PTPRD: variants seen among roughly 807,000 people sequenced by gnomAD.
PTPRD encodes protein tyrosine phosphatase receptor type D.
PTPRD carries 34 observed loss-of-function variants against 214.5 expected under a neutral mutation model. The ratio of observed to expected loss-of-function variants is 0.16; its 90% CI spans 0.12 to 0.21. The LOEUF (loss-of-function observed/expected upper bound fraction) is 0.21. Ranked by LOEUF, PTPRD falls within the 10% of genes least tolerant of loss-of-function variation. PTPRD has a pLI of 1.00. For missense variants in PTPRD, 2,545 were observed against 2,398.7 expected (o/e 1.06, Z -1.27); for synonymous variants, 1,128 against 845.7 (o/e 1.33, Z -5.79).
chr9:9,116,006 G>A (rs1021542599), intron 10 of PTPRD, among the ~76,000 whole-genome samples: 11 of 152,056 alleles, frequency 7.2e-5, no homozygotes, highest in Non-Finnish European at 1.0e-4. Flanking sequence ...ACTTATAAGT[G>A]AGCTAAACAT....
chr9:9,928,160 T>A lies in PTPRD; in HGVS notation c.-368+10347A>T, dbSNP rs146370022. Among the ~76,000 whole-genome samples the A allele has an allele frequency of 2.6e-5, 4 of 152,294 alleles. No individual in the cohort carries two copies. In the East Asian group the frequency reaches 5.8e-4, roughly 22 times the overall value. On this transcript the variant is annotated intron_variant, in intron 5 of 45. Coordinates refer to ENST00000381196, the MANE Select transcript of PTPRD (RefSeq NM_002839.4). Reference sequence around the variant, plus strand: ...TCAACTTTACTACAGTTGTTGGCAATATTAAATAACTTTTGTTGCTGCATG... The same window carrying A: ...TCAACTTTACTACAGTTGTTGGCAAAATTAAATAACTTTTGTTGCTGCATG...
chr9:10,254,819 C>A (rs909672864), intron 3 of PTPRD, among the ~76,000 whole-genome samples: 18 of 152,134 alleles, frequency 1.2e-4, no homozygotes, highest in African/African-American at 4.3e-4. Flanking sequence ...TCTGTATTTA[C>A]TCTGGCGGGT....
Position 9,200,638 on chromosome 9 carries a change from C to T in PTPRD, c.-202-17275G>A, listed in dbSNP as rs554284766. ...GCAGATTTCATTGATTTTTTCATTA[C>T]GCCACTCAGCAAAACAATTGTAAAT... On this transcript the variant is annotated intron_variant, in intron 9 of 45. Transcript: ENST00000381196. Among the ~76,000 whole-genome samples, 12 of 152,298 alleles carry T rather than the reference C, an allele frequency of 7.9e-5. No homozygotes were observed. In the East Asian group the frequency reaches 1.2e-3, roughly 15 times the overall value.
intron 2 of PTPRD, among the ~76,000 whole-genome samples, chr9:10,554,747 G>A (rs184732511): frequency 6.1e-4 from 92 of 151,850 alleles, no homozygotes; most frequent in Non-Finnish European, 1.1e-3. Flanking sequence ...TGCAAGCTCC[G>A]CCTCCCGGCT....
At chr9:8,462,519 C>T (rs898375623) in intron 32 of PTPRD, among the ~76,000 whole-genome samples, 2 of 152,012 alleles carry the variant, frequency 1.3e-5, no homozygotes, top group African/African-American at 4.8e-5. Context: ...TCAAGGGCAT[C>T]CACAATTTTA....
chr9:9,490,903 T>C (rs887386194), intron 8 of PTPRD, among the ~76,000 whole-genome samples: 5 of 151,780 alleles, frequency 3.3e-5, no homozygotes, highest in Admixed American at 6.6e-5. Flanking sequence ...AATGAACGAA[T>C]TGTTTGTTGA....
At chr9:8,938,223 T>C (rs1435923447) in intron 11 of PTPRD, among the ~76,000 whole-genome samples, 1 of 151,526 alleles carries the variant, frequency 6.6e-6, no homozygotes, top group East Asian at 1.9e-4. Flanking sequence ...TCTATAGGAG[T>C]TGGCAATTGA....
chr9:8,411,519 G>C (rs987712264), intron 35 of PTPRD, among the ~76,000 whole-genome samples: 7 of 152,146 alleles, frequency 4.6e-5, no homozygotes, highest in Non-Finnish European at 8.8e-5. Context: ...GGCCAGGCTA[G>C]TCTCGAACTC....
At chr9:9,759,825 G>A (rs774965581) in intron 6 of PTPRD, among the ~76,000 whole-genome samples, 9 of 152,070 alleles carry the variant, frequency 5.9e-5, no homozygotes, top group Non-Finnish European at 8.8e-5. Flanking sequence ...CCAAAGTGCT[G>A]AGATTACAGG....
intron 10 of PTPRD, among the ~76,000 whole-genome samples, chr9:9,019,317 A>G (rs184675553): frequency 0.088 from 10,325 of 116,850 alleles, 482 homozygotes; most frequent in African/African-American, 0.15. Flanking sequence ...AGAAAGAAAG[A>G]AAGAAAGAAA....
At chr9:10,217,536 T>A (rs2099547019) in intron 3 of PTPRD, among the ~76,000 whole-genome samples, 1 of 152,040 alleles carries the variant, frequency 6.6e-6, no homozygotes, top group Middle Eastern at 3.4e-3. Flanking sequence ...TATTTAGCCA[T>A]GAAAGGAGTA....
intron 8 of PTPRD, among the ~76,000 whole-genome samples, chr9:9,487,375 A>G (rs1295459774): frequency 1.3e-5 from 2 of 152,078 alleles, no homozygotes; most frequent in African/African-American, 2.4e-5. Flanking sequence ...CCATGTCCCC[A>G]CAAAGGACAC....
intron 3 of PTPRD, among the ~76,000 whole-genome samples, chr9:10,277,758 A>G (rs2094800659): frequency 6.6e-6 from 1 of 151,968 alleles, no homozygotes; most frequent in Admixed American, 6.6e-5. Flanking sequence ...GTGTCAAAGA[A>G]TCACCTACAT....
chr9:8,637,788 T>C (rs1454679470), intron 12 of PTPRD, among the ~76,000 whole-genome samples: 1 of 152,156 alleles, frequency 6.6e-6, no homozygotes, highest in Non-Finnish European at 1.5e-5. Context: ...TGAAATAAAA[T>C]ATGGCATGAA....
At chr9:9,101,232 A>T (rs1288609317) in intron 10 of PTPRD, among the ~76,000 whole-genome samples, 1 of 152,182 alleles carries the variant, frequency 6.6e-6, no homozygotes, top group African/African-American at 2.4e-5. Flanking sequence ...ATATAAAAAA[A>T]GATCTTTCAG....
chr9:8,451,107 G>T (rs896384609), intron 33 of PTPRD, among the ~76,000 whole-genome samples: 1 of 152,134 alleles, frequency 6.6e-6, no homozygotes, highest in Non-Finnish European at 1.5e-5. Flanking sequence ...TCCCATTTCT[G>T]CTCATCTGTA....
intron 11 of PTPRD, among the ~76,000 whole-genome samples, chr9:8,980,441 C>G (rs1193923678): frequency 6.6e-6 from 1 of 152,050 alleles, no homozygotes; most frequent in Admixed American, 6.6e-5. Flanking sequence ...ATCTGCTTCA[C>G]TATAGTAACA....
intron 5 of PTPRD, among the ~76,000 whole-genome samples, chr9:9,810,033 C>G (rs1388109059): frequency 1.3e-5 from 2 of 151,420 alleles, no homozygotes; most frequent in East Asian, 3.9e-4. Flanking sequence ...GCCTGCCTCT[C>G]CTGCCTACCC....
chr9:9,093,767 C>A lies in PTPRD; in HGVS notation c.-142-75032G>T, dbSNP rs539221666. On this transcript the variant is annotated intron_variant, in intron 10 of 45. Transcript: ENST00000381196. ...AAAAGTTCTCAAGTTAATGATCTAGCCTTCTATTTAAGAAACTAGAAAGGG... is the reference window on the plus strand; with the variant it reads ...AAAAGTTCTCAAGTTAATGATCTAGACTTCTATTTAAGAAACTAGAAAGGG... Among the ~76,000 whole-genome samples the A allele has an allele frequency of 4.7e-3, 713 of 151,562 alleles. 7 individuals are homozygous for A. The highest frequency in any genetic ancestry group is 0.016 in the African/African-American group (679 of 41,352).
Sources: gnomAD v4.1 joint callset for allele counts (sites outside exome capture counted in the v4.1 genomes callset) on GRCh38, gnomAD v4.1.1 for gene constraint, MANE v1.5 for transcripts, NCBI Gene and HGNC (gene_info 2026-07-23, HGNC 2026-07-21) for gene names.